IL2: variants seen among roughly 807,000 people sequenced by gnomAD.
IL2 encodes interleukin-2.
A neutral mutation model predicts 14.6 loss-of-function variants in IL2; 3 were observed. That is an observed-to-expected ratio of 0.21 (90% CI 0.09 to 0.53). The LOEUF (loss-of-function observed/expected upper bound fraction) is 0.53. IL2 is among the 20% of genes least tolerant of loss of function. The pLI is 0.95. For missense variants in IL2, 125 were observed against 170.8 expected (o/e 0.73, Z 1.50); for synonymous variants, 71 against 60.0 (o/e 1.18, Z -0.85).
intron 2 of IL2, 64 bp downstream of exon 2, chr4:122,456,080 G>T (rs2069765): frequency 0.012 from 14,756 of 1,257,800 alleles, 276 homozygotes; most frequent in African/African-American, 0.069. Flanking sequence ...TCCCATCTGT[G>T]CAAATTTTCA....
chr4:122,452,709 G>A (rs1797688720), intron 3 of IL2, among the ~76,000 whole-genome samples: 1 of 151,940 alleles, frequency 6.6e-6, no homozygotes, highest in African/African-American at 2.4e-5. Flanking sequence ...TTAAAAAACT[G>A]TTGCAGTGTT....
At chr4:122,453,689 G>A (rs1312629812) in intron 3 of IL2, 21 bp downstream of exon 3, 20 of 1,559,920 alleles carry the variant, frequency 1.3e-5, no homozygotes, top group Non-Finnish European at 1.5e-5. Context: ...TTCCAGGAGA[G>A]CAAATAAAGT....
chr4:122,452,254 C>T (rs1202127431), intron 3 of IL2, among the ~76,000 whole-genome samples: 1 of 152,010 alleles, frequency 6.6e-6, no homozygotes, highest in Admixed American at 6.6e-5. Context: ...AATTGATATG[C>T]ACATTATACT....
intron 2 of IL2, among the ~76,000 whole-genome samples, chr4:122,455,070 G>A (rs1338636747): frequency 6.6e-6 from 1 of 151,746 alleles, no homozygotes; most frequent in Non-Finnish European, 1.5e-5. Context: ...GCATTATGTG[G>A]CTCTGATTAA....
chr4:122,456,038 G>T, intron 2 of IL2, 106 bp downstream of exon 2: 5 of 727,810 alleles, frequency 6.9e-6, no homozygotes, highest in Non-Finnish European at 6.8e-6. Flanking sequence ...ACAAATTAAA[G>T]TTACTCTTTA....
At position 122,451,773 on chromosome 4, in the gene IL2, G is replaced by T; in HGVS notation, c.441C>A (p.Ser147Arg). 1 of 1,569,668 alleles carries T rather than the reference G, an allele frequency of 6.4e-7. No homozygotes were observed. Among genetic ancestry groups the T allele is most frequent in the Non-Finnish European group, 8.7e-7 (1 of 1,150,406 alleles). The change falls in exon 4 of 4, where the codon AGC (serine) becomes AGA (arginine). Residue 147 changes from serine (S) to arginine (R), a missense_variant. Transcript: ENST00000226730. ...ATTATCAAGTCAGTGTTGAGATGAT[G>T]CTTTGACAAAAGGTAATCCATCTGT... Reference protein sequence around the residue: ...FLNRWITFCQSIISTLT With the variant: ...FLNRWITFCQRIISTLT
At position 122,452,051 on chromosome 4, in the gene IL2, T is replaced by C. The variant is rs528183004; in HGVS notation, c.352-189A>G. Among the ~76,000 whole-genome samples the C allele has an allele frequency of 2.0e-5, 3 of 152,212 alleles. No individual in the cohort carries two copies. The East Asian group carries it at 5.8e-4, about 29-fold the overall frequency. ...CATATTTTGTTATGATACCAAATGATAGTAACACAGAAGCTGAGATTTTCC... is the reference window on the plus strand; with the variant it reads ...CATATTTTGTTATGATACCAAATGACAGTAACACAGAAGCTGAGATTTTCC... On this transcript the variant is annotated intron_variant, in intron 3 of 3. Coordinates refer to ENST00000226730, the MANE Select transcript of IL2 (RefSeq NM_000586.4).
intron 2 of IL2, among the ~76,000 whole-genome samples, chr4:122,454,292 A>C (rs184359140): frequency 1.6e-4 from 24 of 152,030 alleles, no homozygotes; most frequent in Non-Finnish European, 2.7e-4. Flanking sequence ...GATGCCATCT[A>C]TCACAATCCC....
Position 122,451,584 on chromosome 4 carries a change from G to T in IL2, c.*168C>A, listed in dbSNP as rs1422685752. On this transcript the variant is annotated 3_prime_UTR_variant, in exon 4 of 4. Coordinates refer to ENST00000226730, the MANE Select transcript of IL2 (RefSeq NM_000586.4). ...GATAAATAAGTGAAACCATTTTAGA[G>T]CCCCTAGGGCTTACAAAAAGAATCA... is the stretch of plus-strand genomic sequence containing the variant. 1 of 352,082 alleles carries T rather than the reference G, an allele frequency of 2.8e-6. No individual in the cohort carries two copies. Among genetic ancestry groups the T allele is most frequent in the Non-Finnish European group, 5.2e-6 (1 of 191,196 alleles). The allele number at this position is 352,082 out of a possible 1,614,324, so 21.8% of individuals were successfully genotyped here.
At chr4:122,456,267 T>C in intron 1 of IL2, 27 bp downstream of exon 1, 1 of 1,587,416 alleles carries the variant, frequency 6.3e-7, no homozygotes, top group Non-Finnish European at 8.6e-7. Context: ...AATGTAATAA[T>C]TTTAGTAAGA....
intron 3 of IL2, 106 bp downstream of exon 3, chr4:122,453,604 G>T: frequency 2.4e-6 from 2 of 849,922 alleles, no homozygotes; most frequent in Non-Finnish European, 3.7e-6. Context: ...TTACATGCAT[G>T]GGTACTTTAC....
chr4:122,453,680 T>TC, intron 3 of IL2, 30 bp downstream of exon 3: 1 of 1,557,228 alleles, frequency 6.4e-7, no homozygotes, highest in Non-Finnish European at 8.7e-7. Flanking sequence ...TTTTTTTATT[T>TC]CCAGGAGAGC....
Position 122,456,374 on chromosome 4 carries a change from T to G in IL2, c.67A>C (p.Thr23Pro). Residue 23 changes from threonine to proline, a missense_variant, in exon 1 of 4, where the codon ACT (threonine) becomes CCT (proline). Thr to Pro is a conservative substitution (Grantham distance 38, BLOSUM62 -1). Transcript: ENST00000226730. ...SLALVTNSAPTSSSTKKTQLQ... is the reference protein window; with the variant it reads ...SLALVTNSAPPSSSTKKTQLQ... The stretch of plus-strand genomic sequence containing the variant: ...TGTGTTTTCTTTGTAGAACTTGAAG[T>G]AGGTGCACTGTTTGTGACAAGTGCA... 1 of 1,611,886 alleles carries G rather than the reference T, an allele frequency of 6.2e-7. No homozygotes were observed. The highest frequency in any genetic ancestry group is 8.5e-7 in the Non-Finnish European group (1 of 1,178,404).
chr4:122,453,487 T>G (rs191882297), intron 3 of IL2, among the ~76,000 whole-genome samples: 1 of 151,996 alleles, frequency 6.6e-6, no homozygotes, highest in Admixed American at 6.6e-5. Flanking sequence ...GGATGAGGCT[T>G]GTCCATTAGT....
At position 122,456,431 on chromosome 4, in the gene IL2, T is replaced by A; in HGVS notation, c.10A>T (p.Met4Leu). The stretch of plus-strand genomic sequence containing the variant: ...AGTGCAATGCAAGACAGGAGTTGCA[T>A]CCTGTACATTGTGGCAGGAGTTGAG... MYR[M>L]QLLSCIALSL... Residue 4 changes from methionine to leucine, a missense_variant, in exon 1 of 4, where the codon ATG becomes TTG. Transcript: ENST00000226730. The A allele has an allele frequency of 6.2e-7, 1 of 1,609,076 alleles. No individual in the cohort carries two copies. Among genetic ancestry groups the A allele is most frequent in the Non-Finnish European group, 8.5e-7 (1 of 1,176,662 alleles).
chr4:122,451,888 T>A, intron 3 of IL2, 26 bp from the exon 4 acceptor site: 1 of 1,293,214 alleles, frequency 7.7e-7, no homozygotes, highest in Non-Finnish European at 1.1e-6. Context: ...GTTAATTTTT[T>A]AAAGTACAGA....
intron 3 of IL2, 25 bp downstream of exon 3, chr4:122,453,685 G>A: frequency 6.4e-7 from 1 of 1,551,966 alleles, no homozygotes; most frequent in African/African-American, 1.4e-5. Flanking sequence ...TTATTTCCAG[G>A]AGAGCAAATA....
intron 3 of IL2, among the ~76,000 whole-genome samples, chr4:122,452,555 C>T (rs1276712453): frequency 1.3e-5 from 2 of 151,758 alleles, no homozygotes; most frequent in East Asian, 1.9e-4. Context: ...GCTATTTAAA[C>T]GCTTCCTCTA....
intron 2 of IL2, among the ~76,000 whole-genome samples, chr4:122,454,998 T>C (rs1431518248): frequency 6.6e-6 from 1 of 151,846 alleles, no homozygotes; most frequent in African/African-American, 2.4e-5. Context: ...GTTTTTGGCA[T>C]GAACAATGTG....
Sources: gnomAD v4.1 joint callset for allele counts (sites outside exome capture counted in the v4.1 genomes callset) on GRCh38, gnomAD v4.1.1 for gene constraint, MANE v1.5 for transcripts, NCBI Gene and HGNC (gene_info 2026-07-23, HGNC 2026-07-21) for gene names.